AFF3: variants seen among roughly 807,000 people sequenced by gnomAD.
AFF3 encodes ALF transcription elongation factor 3.
Under a neutral mutation model 129.7 loss-of-function variants are expected in AFF3, and 32 were observed. That is an observed-to-expected ratio of 0.25 (90% confidence interval 0.19 to 0.33). The LOEUF (loss-of-function observed/expected upper bound fraction) is 0.33. AFF3 is among the 10% of genes least tolerant of loss of function. The pLI is 1.00. For synonymous variants in AFF3, 644 were observed against 635.4 expected (o/e 1.01, Z -0.20); for missense variants, 1,373 against 1,592.0 (o/e 0.86, Z 2.34).
At chr2:99,820,567 A>G (rs1687578825) in intron 8 of AFF3, among the ~76,000 whole-genome samples, 2 of 151,152 alleles carry the variant, frequency 1.3e-5, no homozygotes, top group Non-Finnish European at 2.9e-5. Context: ...ATTAATAAAA[A>G]TATTTTTCTT....
At position 99,634,775 on chromosome 2, in the gene AFF3, A is replaced by G. The variant is rs549766776; in HGVS notation, c.1184+14851T>C. ...CATCTTCTATATTTAAGTGCAGAACACAGAAGGATGGTTGAAGTCCCCAGA... is the reference window on the plus strand; with the variant it reads ...CATCTTCTATATTTAAGTGCAGAACGCAGAAGGATGGTTGAAGTCCCCAGA... On this transcript the variant is annotated intron_variant, in intron 13 of 24. Coordinates refer to ENST00000672756, the MANE Select transcript of AFF3 (RefSeq NM_001386135.1). 5.9e-4 allele frequency among the ~76,000 whole-genome samples: 90 copies of G among 151,808 alleles called. 1 individual carries two copies. Among genetic ancestry groups the G allele is most frequent in the Non-Finnish European group, 1.0e-3 (71 of 67,950 alleles).
At chr2:99,621,498 A>AG (rs1208524484) in intron 13 of AFF3, among the ~76,000 whole-genome samples, 7 of 152,160 alleles carry the variant, frequency 4.6e-5, no homozygotes, top group Admixed American at 3.3e-4. Context: ...TAGGTGGGTG[A>AG]GGATTTTTCT....
At chr2:99,672,178 T>TCACACACACACA (rs1177303721) in intron 12 of AFF3, among the ~76,000 whole-genome samples, 1 of 56,362 alleles carries the variant, frequency 1.8e-5, no homozygotes, top group Non-Finnish European at 3.1e-5. Context: ...AGTTAGCTTC[T>TCACACACACACA]CACACACACA....
At chr2:100,141,165 G>A (rs929779852) in intron 1 of AFF3, among the ~76,000 whole-genome samples, 3 of 152,222 alleles carry the variant, frequency 2.0e-5, no homozygotes, top group Non-Finnish European at 4.4e-5. Flanking sequence ...GAGATGTATA[G>A]TGACTTGCCT....
chr2:99,590,147 A>T (rs1403493333), intron 15 of AFF3, among the ~76,000 whole-genome samples: 1 of 152,112 alleles, frequency 6.6e-6, no homozygotes, highest in Admixed American at 6.5e-5. Context: ...GGATTTCAAG[A>T]CCCTCTTTGG....
intron 9 of AFF3, among the ~76,000 whole-genome samples, chr2:99,747,067 T>A (rs1318541815): frequency 6.6e-6 from 1 of 152,190 alleles, no homozygotes; most frequent in African/African-American, 2.4e-5. Flanking sequence ...TTGCTCTTGT[T>A]GCCTAGTCTG....
At chr2:100,106,631 GA>G in intron 2 of AFF3, 1 of 987,868 alleles carries the variant, frequency 1.0e-6, no homozygotes, top group Non-Finnish European at 1.2e-6. Context: ...GCCTGAACAA[GA>G]AATGTGTCCT....
chr2:99,978,554 A>G (rs942095203), intron 7 of AFF3, among the ~76,000 whole-genome samples: 4 of 152,198 alleles, frequency 2.6e-5, no homozygotes, highest in Admixed American at 6.5e-5. Context: ...CCCCCCAGAC[A>G]AACCCAAGGT....
At chr2:99,765,193 C>T (rs1342655552) in intron 8 of AFF3, among the ~76,000 whole-genome samples, 6 of 152,094 alleles carry the variant, frequency 3.9e-5, no homozygotes, top group East Asian at 1.9e-4. Flanking sequence ...AATAGATGAT[C>T]GTTGAACTAA....
intron 7 of AFF3, among the ~76,000 whole-genome samples, chr2:99,860,985 G>A (rs1008105595): frequency 6.6e-6 from 1 of 152,160 alleles, no homozygotes; most frequent in Non-Finnish European, 1.5e-5. Flanking sequence ...TAGGTCCCCA[G>A]AACGTATCCA....
At chr2:99,699,779 C>T (rs1676661238) in intron 11 of AFF3, among the ~76,000 whole-genome samples, 1 of 152,188 alleles carries the variant, frequency 6.6e-6, no homozygotes, top group South Asian at 2.1e-4. Flanking sequence ...TTTGAGGTCA[C>T]CACAATGCTT....
chr2:100,060,464 T>G (rs1184349255), intron 4 of AFF3, among the ~76,000 whole-genome samples: 1 of 152,148 alleles, frequency 6.6e-6, no homozygotes, highest in Non-Finnish European at 1.5e-5. Flanking sequence ...CCGGGCTACC[T>G]TTTCCACCAC....
chr2:99,591,336 A>G (rs1575445357), intron 15 of AFF3, among the ~76,000 whole-genome samples: 1 of 151,998 alleles, frequency 6.6e-6, no homozygotes, highest in East Asian at 1.9e-4. Flanking sequence ...ACAGGTGTGC[A>G]CCATCATGTC....
At chr2:100,021,209 C>A (rs1409077075) in intron 4 of AFF3, among the ~76,000 whole-genome samples, 1 of 152,206 alleles carries the variant, frequency 6.6e-6, no homozygotes, top group East Asian at 1.9e-4. Context: ...TGCTAATTAT[C>A]TGAATCCTTT....
rs756152322 is a variant in AFF3 at position 99,593,176 on chromosome 2, C to T, written c.2466+19G>A. On this transcript the variant is annotated intron_variant, in intron 15 of 24. Transcript: ENST00000672756. ...CCTTCCCCTCCACGCCCCCGCACCCCAGTCAGCCCCAGGCCTACCTTGCGT... is the reference window on the plus strand; with the variant it reads ...CCTTCCCCTCCACGCCCCCGCACCCTAGTCAGCCCCAGGCCTACCTTGCGT... 20 of 1,547,258 alleles carry T rather than the reference C, an allele frequency of 1.3e-5. No individual in the cohort carries two copies. In the South Asian group the frequency reaches 2.5e-4, roughly 19 times the overall value.
chr2:100,083,825 A>G (rs1689212801), intron 4 of AFF3, among the ~76,000 whole-genome samples: 1 of 152,024 alleles, frequency 6.6e-6, no homozygotes, highest in Non-Finnish European at 1.5e-5. Context: ...GGGTGGTGGA[A>G]GGAGAGGCAG....
intron 10 of AFF3, 46 bp downstream of exon 10, chr2:99,744,058 C>G: frequency 6.4e-7 from 1 of 1,553,400 alleles, no homozygotes; most frequent in Non-Finnish European, 8.8e-7. Context: ...CCTCTGCCCC[C>G]ACCCCCTGCT....
intron 4 of AFF3, among the ~76,000 whole-genome samples, chr2:100,038,741 T>C (rs1003211000): frequency 1.3e-5 from 2 of 151,718 alleles, no homozygotes; most frequent in African/African-American, 4.8e-5. Context: ...TTTTTTTTTT[T>C]AGACAGAGCC....
chr2:99,709,434 TGA>T (rs1451349571), intron 11 of AFF3, among the ~76,000 whole-genome samples: 2 of 152,026 alleles, frequency 1.3e-5, no homozygotes, highest in Non-Finnish European at 2.9e-5. Flanking sequence ...GTTTTAGGGG[TGA>T]AGATCACGTG....
Sources: gnomAD v4.1 joint callset for allele counts (sites outside exome capture counted in the v4.1 genomes callset) on GRCh38, gnomAD v4.1.1 for gene constraint, MANE v1.5 for transcripts, NCBI Gene and HGNC (gene_info 2026-07-23, HGNC 2026-07-21) for gene names.